Variants in SOX6 observed in about 807,000 individuals in gnomAD.
SOX6 encodes transcription factor SOX-6.
In SOX6, 11 loss-of-function variants were observed where a neutral mutation model predicts 97.8. That is an observed-to-expected ratio of 0.11 (90% CI 0.07 to 0.19). The LOEUF (loss-of-function observed/expected upper bound fraction) is 0.19. Ranked by LOEUF, SOX6 falls within the 10% of genes least tolerant of loss-of-function variation. The pLI, the probability that SOX6 is intolerant of heterozygous loss-of-function variation, is 1.00. For synonymous variants in SOX6, 360 were observed against 371.4 expected, an observed-to-expected ratio of 0.97 and a Z score of 0.35; for missense variants, 810 against 1,039.5, an observed-to-expected ratio of 0.78 and a Z score of 3.04.
rs891624962 is a variant in SOX6 at position 16,727,021 on chromosome 11, T to C, written n.353+9318A>G. On this transcript the variant is annotated intron_variant and non_coding_transcript_variant, in intron 2 of 5. Coordinates refer to the SOX6 transcript ENST00000524520. Reference sequence around the variant, plus strand: ...TTTTTAAAATCCAATTTTACTTACTTGTGTATTAACTTACAGTTAAATTTT... The same window carrying C: ...TTTTTAAAATCCAATTTTACTTACTCGTGTATTAACTTACAGTTAAATTTT... 7.2e-5 allele frequency among the ~76,000 whole-genome samples: 11 copies of C among 152,304 alleles called. No homozygotes were observed. The South Asian group carries it at 1.0e-3, about 14-fold the overall frequency.
chr11:16,656,264 G>A (rs1351276166), intron 3 of SOX6, among the ~76,000 whole-genome samples: 3 of 152,100 alleles, frequency 2.0e-5, no homozygotes, highest in Non-Finnish European at 4.4e-5. Flanking sequence ...TTTTAGTAGA[G>A]ACAGGGTTTC....
At chr11:16,094,861 G>A (rs868127002) in intron 9 of SOX6, among the ~76,000 whole-genome samples, 51 of 151,890 alleles carry the variant, frequency 3.4e-4, no homozygotes, top group African/African-American at 1.1e-3. Context: ...CAGTTAACAA[G>A]CTCTGGAATT....
rs369066890 is a variant in SOX6 at position 15,986,414 on chromosome 11, C to T, written c.1973G>A (p.Arg658His). ...CTCCTGGTTGGACATTGATTTCCAG[C>T]GAGATCCTAGAAATAAAAATAGCCT... ...NSNISKILGSRWKSMSNQEKQ... is the reference protein window; with the variant it reads ...NSNISKILGSHWKSMSNQEKQ... Residue 658 changes from arginine to histidine, a missense_variant, in exon 15 of 16, where the codon CGC becomes CAC. Transcript: ENST00000683767. 6.8e-6 allele frequency: 11 copies of T among 1,613,922 alleles called. No homozygotes were observed. Among genetic ancestry groups the T allele is most frequent in the East Asian group, 2.2e-5 (1 of 44,856 alleles).
intron 6 of SOX6, among the ~76,000 whole-genome samples, chr11:16,144,361 G>A (rs1850232481): frequency 6.6e-6 from 1 of 152,098 alleles, no homozygotes; most frequent in Admixed American, 6.5e-5. Flanking sequence ...AGTGTGTAGA[G>A]GGAAATTTAT....
intron 3 of SOX6, among the ~76,000 whole-genome samples, chr11:16,252,843 T>C (rs1252102959): frequency 6.6e-6 from 1 of 152,012 alleles, no homozygotes; most frequent in Non-Finnish European, 1.5e-5. Flanking sequence ...GGGAAATTAT[T>C]GAGAAGCATT....
intron 4 of SOX6, among the ~76,000 whole-genome samples, chr11:16,486,326 T>A (rs890597348): frequency 6.6e-6 from 1 of 152,310 alleles, no homozygotes; most frequent in Admixed American, 6.5e-5. Context: ...TGTTCTCCTT[T>A]ATTCCTTCAT....
At chr11:16,047,495 C>T (rs1855869929) in intron 11 of SOX6, among the ~76,000 whole-genome samples, 1 of 152,062 alleles carries the variant, frequency 6.6e-6, no homozygotes, top group South Asian at 2.1e-4. Flanking sequence ...CAGTGTATTT[C>T]AAGCAACACA....
chr11:16,470,878 G>A (rs911050098), intron 1 of SOX6, among the ~76,000 whole-genome samples: 4 of 151,924 alleles, frequency 2.6e-5, no homozygotes, highest in Non-Finnish European at 5.9e-5. Context: ...ATATTCTGTT[G>A]GTATTATTAT....
chr11:16,298,094 G>A (rs1380837809), intron 3 of SOX6, among the ~76,000 whole-genome samples: 1 of 152,128 alleles, frequency 6.6e-6, no homozygotes, highest in Non-Finnish European at 1.5e-5. Flanking sequence ...CAAACCCTTT[G>A]CGTCTTATTT....
At position 16,347,920 on chromosome 11, in the gene SOX6, A is replaced by G. The variant is rs146277735; in HGVS notation, c.-4-6668T>C. The stretch of plus-strand genomic sequence containing the variant: ...CTCTGAGGTCCTCCTTTAGCTAAAT[A>G]AGGCAATCTACCAAGTCCACTCTTT... On this transcript the variant is annotated intron_variant, in intron 1 of 15. Transcript: ENST00000683767. Among the ~76,000 whole-genome samples, 1,003 of 152,194 alleles carry G rather than the reference A, an allele frequency of 6.6e-3. 17 individuals are homozygous for G. Among genetic ancestry groups the G allele is most frequent in the Admixed American group, 0.017 (265 of 15,268 alleles).
intron 1 of SOX6, among the ~76,000 whole-genome samples, chr11:16,414,801 T>G (rs1565137549): frequency 6.6e-6 from 1 of 152,122 alleles, no homozygotes; most frequent in Admixed American, 6.6e-5. Context: ...AGAAACTACA[T>G]GAAATATATC....
intron 3 of SOX6, among the ~76,000 whole-genome samples, chr11:16,635,607 T>A (rs868024027): frequency 6.6e-6 from 1 of 152,214 alleles, no homozygotes; most frequent in Non-Finnish European, 1.5e-5. Flanking sequence ...TACAGAAATC[T>A]GCATAAGTAA....
intron 1 of SOX6, among the ~76,000 whole-genome samples, chr11:16,346,514 T>C (rs1856782142): frequency 6.6e-6 from 1 of 152,032 alleles, no homozygotes; most frequent in Non-Finnish European, 1.5e-5. Flanking sequence ...TGCTTACTAA[T>C]TATTTGTATT....
intron 4 of SOX6, among the ~76,000 whole-genome samples, chr11:16,527,221 A>G (rs1180259105): frequency 2.0e-5 from 3 of 152,118 alleles, no homozygotes; most frequent in Non-Finnish European, 4.4e-5. Context: ...GGTCACTGCC[A>G]CAGACACTTC....
chr11:16,063,496 TTATATATATATA>T (rs66968164), intron 9 of SOX6, among the ~76,000 whole-genome samples: 503 of 35,572 alleles, frequency 0.014, 8 homozygotes, highest in Non-Finnish European at 0.018. Context: ...TACCATAATT[TTATATATATATA>T]TATATATATA....
intron 9 of SOX6, among the ~76,000 whole-genome samples, chr11:16,081,540 C>G (rs1848473368): frequency 6.6e-6 from 1 of 152,064 alleles, no homozygotes; most frequent in South Asian, 2.1e-4. Flanking sequence ...AAAATCACAG[C>G]TTTAGTTGGT....
At chr11:16,542,155 T>C (rs1490608807) in intron 4 of SOX6, among the ~76,000 whole-genome samples, 1 of 152,192 alleles carries the variant, frequency 6.6e-6, no homozygotes, top group Non-Finnish European at 1.5e-5. Context: ...TGAGTTCATG[T>C]CCTTTGCAGG....
chr11:16,639,327 A>G (rs902254928), intron 3 of SOX6, among the ~76,000 whole-genome samples: 1 of 152,138 alleles, frequency 6.6e-6, no homozygotes, highest in African/African-American at 2.4e-5. Flanking sequence ...GCCTTGTAGT[A>G]TAGTTTGAAG....
intron 9 of SOX6, among the ~76,000 whole-genome samples, chr11:16,081,504 C>T (rs1013939536): frequency 2.6e-5 from 4 of 152,068 alleles, no homozygotes; most frequent in African/African-American, 4.8e-5. Flanking sequence ...CCATAACACC[C>T]CTAGAAAACT....
Sources: allele counts gnomAD v4.1 joint callset (sites outside exome capture counted in the v4.1 genomes callset), GRCh38; gene constraint gnomAD v4.1.1; transcripts MANE v1.5; gene names NCBI Gene and HGNC (gene_info 2026-07-23, HGNC 2026-07-21).